The following RERE variants were observed in gnomAD, a reference collection of about 807,000 sequenced individuals.
The protein encoded by RERE is arginine-glutamic acid dipeptide repeats.
In RERE, 40 loss-of-function variants were observed where a neutral mutation model predicts 146.1. That is an observed-to-expected ratio of 0.27 (90% CI 0.21 to 0.36). The LOEUF (loss-of-function observed/expected upper bound fraction) is 0.36, where lower values mean the gene tolerates loss of function less well. RERE is among the 10% of genes least tolerant of loss of function. RERE has a pLI of 1.00. For missense variants in RERE, 1,933 were observed against 2,138.7 expected, an observed-to-expected ratio of 0.90 and a Z score of 1.90; for synonymous variants, 1,003 against 866.0, an observed-to-expected ratio of 1.16 and a Z score of -2.78.
At chr1:8,640,016 G>A (rs558277925) in intron 2 of RERE, among the ~76,000 whole-genome samples, 1 of 152,240 alleles carries the variant, frequency 6.6e-6, no homozygotes, top group African/African-American at 2.4e-5. Flanking sequence ...AGCTAGGCAT[G>A]GTGATATGCA....
At chr1:8,542,858 T>C (rs977112156) in intron 6 of RERE, among the ~76,000 whole-genome samples, 6 of 152,232 alleles carry the variant, frequency 3.9e-5, no homozygotes, top group Non-Finnish European at 8.8e-5. Context: ...AAAGTCCCTT[T>C]GGCAACTATA....
chr1:8,675,276 C>A (rs572785109), intron 1 of RERE, among the ~76,000 whole-genome samples: 113 of 152,104 alleles, frequency 7.4e-4, no homozygotes, highest in Middle Eastern at 3.4e-3. Flanking sequence ...ATATATAGGC[C>A]TGTCACTTTC....
chr1:8,680,854 C>G (rs901487615), intron 1 of RERE, among the ~76,000 whole-genome samples: 18 of 152,112 alleles, frequency 1.2e-4, no homozygotes, highest in Admixed American at 1.2e-3. Flanking sequence ...AACACTATAG[C>G]CCGGGAGAAA....
At chr1:8,519,577 AGAT>A (rs575519586) in intron 7 of RERE, 4 of 152,222 alleles carry the variant, frequency 2.6e-5, no homozygotes, top group Non-Finnish European at 5.9e-5. Flanking sequence ...TAAAAATAAA[AGAT>A]GATTTATGGA....
chr1:8,364,267 A>T lies in RERE; in HGVS notation c.1541-12T>A. 6.2e-7 allele frequency: 1 copy of T among 1,613,390 alleles called. No individual in the cohort carries two copies. Among genetic ancestry groups the T allele is most frequent in the Non-Finnish European group, 8.5e-7 (1 of 1,179,508 alleles). ...CCAATCTTTGGAGGCTGTGTGAGGG[A>T]AGTGGTGGGGGCCAACCTTGGAAAC... On this transcript the variant is annotated splice_polypyrimidine_tract_variant and intron_variant, in intron 14 of 22. Transcript: ENST00000400908. This position sits in a 1 kb window ranked among gnomAD's most constrained non-coding sequence, Gnocchi z 5.1.
At chr1:8,610,424 A>C (rs1646779756) in intron 4 of RERE, among the ~76,000 whole-genome samples, 1 of 152,034 alleles carries the variant, frequency 6.6e-6, no homozygotes. Flanking sequence ...CCCTATCTCT[A>C]CTAAAAATAC....
At chr1:8,458,622 C>T (rs1164860981) in intron 11 of RERE, among the ~76,000 whole-genome samples, 1 of 152,116 alleles carries the variant, frequency 6.6e-6, no homozygotes, top group Non-Finnish European at 1.5e-5. Flanking sequence ...AAGAACAGCA[C>T]AAGGTATGCT....
chr1:8,676,496 G>C (rs1638843857), intron 1 of RERE, among the ~76,000 whole-genome samples: 1 of 152,048 alleles, frequency 6.6e-6, no homozygotes, highest in Admixed American at 6.6e-5. Context: ...GAACCTGACA[G>C]CAATGAGAGA....
intron 10 of RERE, among the ~76,000 whole-genome samples, chr1:8,466,627 A>G (rs1644601744): frequency 6.6e-6 from 1 of 152,202 alleles, no homozygotes; most frequent in South Asian, 2.1e-4. Context: ...AATTTCACAC[A>G]AAAACAAAAT....
chr1:8,467,820 A>G (rs1644621828), intron 10 of RERE, among the ~76,000 whole-genome samples: 1 of 151,842 alleles, frequency 6.6e-6, no homozygotes, highest in Non-Finnish European at 1.5e-5. Flanking sequence ...TATTTTTTGT[A>G]TTTTTAATAG....
chr1:8,625,767 C>G (rs1646966977), intron 2 of RERE, among the ~76,000 whole-genome samples: 1 of 152,184 alleles, frequency 6.6e-6, no homozygotes, highest in Non-Finnish European at 1.5e-5. Flanking sequence ...GGAGTCATCA[C>G]AAACCCCAAC....
At chr1:8,715,568 C>T (rs1639748975) in intron 1 of RERE, among the ~76,000 whole-genome samples, 1 of 151,540 alleles carries the variant, frequency 6.6e-6, no homozygotes, top group African/African-American at 2.4e-5. Flanking sequence ...GGTGATATTA[C>T]CACAATGAGA....
In RERE at chr1:8,508,688, T is replaced by C. The variant is rs769513399; in HGVS notation, c.831-13A>G. 4 of 1,607,608 alleles carry C rather than the reference T, an allele frequency of 2.5e-6. No individual in the cohort carries two copies. In the South Asian group the frequency reaches 3.3e-5, roughly 13 times the overall value. On this transcript the variant is annotated splice_polypyrimidine_tract_variant and intron_variant, in intron 7 of 22. Transcript: ENST00000400908. Reference sequence around the variant, plus strand: ...ACTGTTCAGCCTCCTGGAACAGAAATAGAGCAGATTAAGTTAGCGCAATAC... The same window carrying C: ...ACTGTTCAGCCTCCTGGAACAGAAACAGAGCAGATTAAGTTAGCGCAATAC...
intron 1 of RERE, among the ~76,000 whole-genome samples, chr1:8,683,209 G>A (rs1477148410): frequency 6.6e-6 from 1 of 152,094 alleles, no homozygotes; most frequent in Non-Finnish European, 1.5e-5. Flanking sequence ...TGCAGGCCCA[G>A]CCTCACGCCA....
At position 8,423,703 on chromosome 1, in the gene RERE, G is replaced by T. The variant is rs569201333; in HGVS notation, c.1204-896C>A. ...GGGCGGAGGCGGCCGCGGGTGGCTC[G>T]GCGTGTGACCGCGGCGGGGCCGCGC... is the stretch of plus-strand genomic sequence containing the variant. On this transcript the variant is annotated intron_variant, in intron 11 of 22. Coordinates refer to ENST00000400908, the MANE Select transcript of RERE (RefSeq NM_001042681.2). This position sits in a 1 kb window ranked among gnomAD's most constrained non-coding sequence, Gnocchi z 5.4. The T allele has an allele frequency of 3.5e-3, 3,464 of 981,690 alleles. 101 individuals are homozygous for T. In the African/African-American group the frequency reaches 0.053, roughly 15 times the overall value. The allele number at this position is 981,690 out of a possible 1,614,324, so 60.8% of individuals were successfully genotyped here.
intron 12 of RERE, among the ~76,000 whole-genome samples, chr1:8,388,851 A>G (rs1439161263): frequency 1.3e-5 from 2 of 152,222 alleles, no homozygotes; most frequent in South Asian, 2.1e-4. Context: ...CAGCTAGGTA[A>G]GGGGTTTAAT....
At chr1:8,771,923 A>AG (rs1557533036) in intron 1 of RERE, among the ~76,000 whole-genome samples, 3 of 151,554 alleles carry the variant, frequency 2.0e-5, no homozygotes, top group Non-Finnish European at 2.9e-5. Flanking sequence ...AAAAAAAAAA[A>AG]AAAAAAGAAA....
intron 4 of RERE, among the ~76,000 whole-genome samples, chr1:8,599,806 T>TCA (rs1222217965): frequency 6.6e-6 from 1 of 152,194 alleles, no homozygotes; most frequent in Non-Finnish European, 1.5e-5. Flanking sequence ...AGTGACAACA[T>TCA]CAGAGAATTT....
chr1:8,453,085 G>A (rs1277023500), intron 11 of RERE, among the ~76,000 whole-genome samples: 1 of 152,198 alleles, frequency 6.6e-6, no homozygotes, highest in South Asian at 2.1e-4. Context: ...GAGAGGGAGA[G>A]AGAGGAAGGG....
Sources: gnomAD v4.1 joint callset for allele counts (sites outside exome capture counted in the v4.1 genomes callset) on GRCh38, gnomAD v4.1.1 for gene constraint, Gnocchi (gnomAD v3.1) non-coding constraint, MANE v1.5 for transcripts, NCBI Gene and HGNC (gene_info 2026-07-23, HGNC 2026-07-21) for gene names.